Variants in MALRD1 observed in about 807,000 individuals in gnomAD.
The protein encoded by MALRD1 is MAM and LDL-receptor class A domain-containing protein 1.
MALRD1 carries 247 observed loss-of-function variants against 242.1 expected under a neutral mutation model. The observed-to-expected ratio is 1.02, with a 90% CI of 0.92 to 1.13. MALRD1 has a LOEUF of 1.13. MALRD1 is among the 50% of genes most tolerant of loss of function. The pLI, the probability that MALRD1 is intolerant of heterozygous loss-of-function variation, is 0.00. For missense variants in MALRD1, 2,989 were observed against 2,533.1 expected (o/e 1.18, Z -3.86); for synonymous variants, 995 against 866.6 (o/e 1.15, Z -2.60).
At chr10:19,687,817 C>T (rs1842638381) in intron 36 of MALRD1, among the ~76,000 whole-genome samples, 1 of 152,132 alleles carries the variant, frequency 6.6e-6, no homozygotes, top group Admixed American at 6.5e-5. Context: ...GATAGCTAAG[C>T]TTCCCTACCC....
intron 35 of MALRD1, among the ~76,000 whole-genome samples, chr10:19,611,041 G>A (rs560390133): frequency 2.6e-5 from 4 of 151,954 alleles, no homozygotes; most frequent in East Asian, 1.9e-4. Context: ...CATAGGCAAT[G>A]CAAATACTCC....
intron 28 of MALRD1, among the ~76,000 whole-genome samples, chr10:19,426,661 G>A (rs1833914166): frequency 6.6e-6 from 1 of 151,998 alleles, no homozygotes; most frequent in African/African-American, 2.4e-5. Context: ...AAATTAGCTG[G>A]GCATGGTGGG....
intron 19 of MALRD1, among the ~76,000 whole-genome samples, chr10:19,261,446 T>TAAAAA (rs531115191): frequency 0.057 from 7,670 of 134,716 alleles, 250 homozygotes; most frequent in Middle Eastern, 0.075. Flanking sequence ...GAGCTCTACG[T>TAAAAA]AAAAAAAAAA....
At chr10:19,258,750 C>G (rs1450756270) in intron 19 of MALRD1, among the ~76,000 whole-genome samples, 1 of 152,104 alleles carries the variant, frequency 6.6e-6, no homozygotes, top group African/African-American at 2.4e-5. Flanking sequence ...ACTCTGGAGA[C>G]AGCTGAATCC....
chr10:19,351,310 A>G (rs187879732), intron 25 of MALRD1, among the ~76,000 whole-genome samples: 42 of 152,218 alleles, frequency 2.8e-4, no homozygotes, highest in African/African-American at 9.6e-4. Flanking sequence ...GACTTTTTTC[A>G]CTGTGTGACA....
At chr10:19,605,167 T>A (rs398046351) in intron 34 of MALRD1, among the ~76,000 whole-genome samples, 8,507 of 151,502 alleles carry the variant, frequency 0.056, 306 homozygotes, top group Middle Eastern at 0.11. Flanking sequence ...ATTATTATTT[T>A]TTTTTTTTTA....
intron 31 of MALRD1, among the ~76,000 whole-genome samples, chr10:19,500,086 G>T (rs1035189558): frequency 5.9e-5 from 9 of 152,046 alleles, no homozygotes; most frequent in Non-Finnish European, 8.8e-5. Flanking sequence ...TTTCACTGTG[G>T]CTTTGCCAGA....
Position 19,688,671 on chromosome 10 carries a change from A to G in MALRD1, c.6138-3611A>G, listed in dbSNP as rs962408560. ...TTTTCGCTTCCAGCCCACAGTACTC[A>G]GGGGGATGGCAGGAGAGAAATTTCT... On this transcript the variant is annotated intron_variant, in intron 36 of 39. Transcript: ENST00000454679. Among the ~76,000 whole-genome samples, 5 of 152,102 alleles carry G rather than the reference A, an allele frequency of 3.3e-5. No individual in the cohort carries two copies. In the East Asian group the frequency reaches 7.7e-4, roughly 23 times the overall value.
intron 38 of MALRD1, 130 bp downstream of exon 38, chr10:19,692,684 G>A: frequency 1.5e-6 from 1 of 660,196 alleles, no homozygotes. Context: ...CTGCTTTATG[G>A]ATTTATTTTT....
At chr10:19,602,738 A>G (rs1405334524) in intron 34 of MALRD1, among the ~76,000 whole-genome samples, 1 of 152,072 alleles carries the variant, frequency 6.6e-6, no homozygotes, top group Non-Finnish European at 1.5e-5. Flanking sequence ...GTCAAATGGT[A>G]TTTCTTGTTC....
At chr10:19,699,840 G>A (rs917246251) in intron 38 of MALRD1, among the ~76,000 whole-genome samples, 5 of 151,980 alleles carry the variant, frequency 3.3e-5, no homozygotes, top group African/African-American at 1.2e-4. Context: ...AGTAAGAACA[G>A]CACCAAGTCA....
chr10:19,256,986 G>T (rs561958174), intron 18 of MALRD1, among the ~76,000 whole-genome samples: 1 of 152,140 alleles, frequency 6.6e-6, no homozygotes, highest in East Asian at 1.9e-4. Flanking sequence ...AATTCATCAT[G>T]ATCAATTCTG....
At chr10:19,571,612 T>C (rs1269318279) in intron 33 of MALRD1, among the ~76,000 whole-genome samples, 1 of 152,172 alleles carries the variant, frequency 6.6e-6, no homozygotes, top group Non-Finnish European at 1.5e-5. Flanking sequence ...AATATAGTTG[T>C]TAAAAAATGC....
At chr10:19,457,163 T>C (rs1589110261) in intron 29 of MALRD1, among the ~76,000 whole-genome samples, 1 of 152,108 alleles carries the variant, frequency 6.6e-6, no homozygotes, top group African/African-American at 2.4e-5. Flanking sequence ...ATCAGCTGAG[T>C]TGATTTCCCT....
chr10:19,479,025 C>G (rs1362013063), intron 29 of MALRD1, among the ~76,000 whole-genome samples: 6 of 152,176 alleles, frequency 3.9e-5, no homozygotes, highest in Non-Finnish European at 8.8e-5. Flanking sequence ...AAATAGCCAC[C>G]TATTCTCACT....
intron 18 of MALRD1, among the ~76,000 whole-genome samples, chr10:19,250,207 CT>C (rs1177598860): frequency 6.6e-6 from 1 of 151,914 alleles, no homozygotes; most frequent in Non-Finnish European, 1.5e-5. Flanking sequence ...CTGTTAAAAT[CT>C]TATTATACCT....
intron 26 of MALRD1, among the ~76,000 whole-genome samples, chr10:19,382,111 C>T (rs377579554): frequency 6.6e-5 from 10 of 152,110 alleles, no homozygotes; most frequent in South Asian, 6.2e-4. Flanking sequence ...TTCTCTTAAA[C>T]GCTGCCTGGC....
intron 32 of MALRD1, among the ~76,000 whole-genome samples, chr10:19,541,015 C>CAT (rs534931857): frequency 1.1e-3 from 168 of 152,256 alleles, no homozygotes; most frequent in African/African-American, 3.9e-3. Context: ...GTTTGTATAA[C>CAT]ATATGCTTAA....
At chr10:19,187,681 G>A (rs774793662) in intron 14 of MALRD1, among the ~76,000 whole-genome samples, 1 of 152,080 alleles carries the variant, frequency 6.6e-6, no homozygotes, top group Non-Finnish European at 1.5e-5. Context: ...GATTGAGTTG[G>A]AGGCCGGAAT....
Sources: allele counts gnomAD v4.1 joint callset (sites outside exome capture counted in the v4.1 genomes callset), GRCh38; gene constraint gnomAD v4.1.1; transcripts MANE v1.5; gene names NCBI Gene and HGNC (gene_info 2026-07-23, HGNC 2026-07-21).